Variants in ADGRV1 observed in about 807,000 individuals in gnomAD.
ADGRV1 encodes the protein G-protein coupled receptor 98.
ADGRV1 carries 359 observed loss-of-function variants against 596.2 expected under a neutral mutation model. The observed-to-expected ratio is 0.60, with a 90% CI of 0.55 to 0.66. The LOEUF (loss-of-function observed/expected upper bound fraction) is 0.66. Ranked by LOEUF, ADGRV1 falls within the 30% of genes least tolerant of loss-of-function variation. ADGRV1 has a pLI of 0.00. For synonymous variants in ADGRV1, 2,681 were observed against 2,679.2 expected, an observed-to-expected ratio of 1.00 and a Z score of -0.02; for missense variants, 7,274 against 7,575.6, an observed-to-expected ratio of 0.96 and a Z score of 1.48.
intron 74 of ADGRV1, among the ~76,000 whole-genome samples, chr5:90,811,882 C>T (rs1196781296): frequency 6.6e-6 from 1 of 151,218 alleles, no homozygotes; most frequent in African/African-American, 2.4e-5. Flanking sequence ...GTATCTTATG[C>T]AATCTTTTCA....
chr5:90,734,317 C>T (rs548747000), intron 50 of ADGRV1, among the ~76,000 whole-genome samples: 24 of 152,270 alleles, frequency 1.6e-4, no homozygotes, highest in African/African-American at 5.5e-4. Flanking sequence ...TCATTCTGTT[C>T]ATTGTTGGGG....
chr5:90,774,730 G>A (rs188926198), intron 60 of ADGRV1, among the ~76,000 whole-genome samples: 30 of 152,188 alleles, frequency 2.0e-4, no homozygotes, highest in Admixed American at 1.0e-3. Flanking sequence ...TAATTGTCAC[G>A]TTAAGAAAAC....
chr5:90,903,209 T>A (rs1359748219), intron 83 of ADGRV1, among the ~76,000 whole-genome samples: 1 of 152,102 alleles, frequency 6.6e-6, no homozygotes, highest in African/African-American at 2.4e-5. Context: ...TGCAGGATTA[T>A]GTGCTACAGT....
intron 1 of ADGRV1, chr5:90,614,300 C>G (rs1023199740): frequency 3.2e-5 from 10 of 316,548 alleles, no homozygotes; most frequent in African/African-American, 2.3e-4. Flanking sequence ...GGAAATTTAT[C>G]CCTTCTTTGA....
intron 67 of ADGRV1, among the ~76,000 whole-genome samples, chr5:90,785,314 C>T (rs1468832082): frequency 1.3e-5 from 2 of 152,096 alleles, no homozygotes; most frequent in Non-Finnish European, 2.9e-5. Flanking sequence ...AGGAGAAAAC[C>T]TAGGCAATAC....
chr5:91,017,012 C>T (rs530300583), intron 85 of ADGRV1, among the ~76,000 whole-genome samples: 2 of 151,784 alleles, frequency 1.3e-5, no homozygotes, highest in East Asian at 1.9e-4. Flanking sequence ...ATGGGAGAAC[C>T]GTTTATGAAA....
chr5:90,722,077 G>A (rs750894423), intron 45 of ADGRV1, among the ~76,000 whole-genome samples: 1 of 152,174 alleles, frequency 6.6e-6, no homozygotes, highest in Non-Finnish European at 1.5e-5. Context: ...GTTACCATAT[G>A]TAATGTGGTA....
At chr5:90,765,733 C>G (rs2150026848) in intron 59 of ADGRV1, among the ~76,000 whole-genome samples, 1 of 151,820 alleles carries the variant, frequency 6.6e-6, no homozygotes, top group Non-Finnish European at 1.5e-5. Flanking sequence ...GACAAGGGGT[C>G]TTATTCTGTC....
intron 84 of ADGRV1, 126 bp downstream of exon 84, chr5:90,965,657 G>A: frequency 3.8e-6 from 2 of 531,894 alleles, no homozygotes; most frequent in South Asian, 3.1e-5. Flanking sequence ...GCATTCTCAG[G>A]ATATAAATGA....
intron 30 of ADGRV1, 97 bp from the exon 31 acceptor site, chr5:90,690,699 TA>T (rs2062984160): frequency 8.2e-7 from 1 of 1,223,642 alleles, no homozygotes; most frequent in Non-Finnish European, 1.1e-6. Flanking sequence ...TTAGATTGCT[TA>T]GGGGGGAAGA....
At chr5:90,610,045 G>A (rs183975388) in intron 1 of ADGRV1, among the ~76,000 whole-genome samples, 2 of 151,578 alleles carry the variant, frequency 1.3e-5, no homozygotes, top group South Asian at 2.1e-4. Flanking sequence ...ATTCTACTCC[G>A]TTTCTATATA....
Position 91,073,461 on chromosome 5 carries a change from G to A in ADGRV1, c.18310+857G>A, listed in dbSNP as rs1456894926. The stretch of plus-strand genomic sequence containing the variant: ...AAGTTTAAGCAAGTAGCATATATAA[G>A]GTCTCTAGAATAGTGTCTAATACAT... On this transcript the variant is annotated intron_variant, in intron 86 of 89. Coordinates refer to ENST00000405460, the MANE Select transcript of ADGRV1 (RefSeq NM_032119.4). Among the ~76,000 whole-genome samples the A allele has an allele frequency of 2.0e-5, 3 of 152,166 alleles. No individual in the cohort carries two copies. The East Asian group carries it at 5.8e-4, about 29-fold the overall frequency.
chr5:90,765,161 G>A (rs367840307), intron 59 of ADGRV1, among the ~76,000 whole-genome samples: 2 of 152,016 alleles, frequency 1.3e-5, no homozygotes, highest in East Asian at 1.9e-4. Context: ...TCAGAACTGG[G>A]CCTTTCACCA....
At chr5:90,596,409 A>G (rs62375076) in intron 1 of ADGRV1, among the ~76,000 whole-genome samples, 2 of 151,612 alleles carry the variant, frequency 1.3e-5, no homozygotes, top group Non-Finnish European at 2.9e-5. Flanking sequence ...AGAGGCTGCA[A>G]TCTCGGCACT....
intron 53 of ADGRV1, among the ~76,000 whole-genome samples, chr5:90,750,978 G>C (rs1755187287): frequency 6.6e-6 from 1 of 152,174 alleles, no homozygotes; most frequent in Non-Finnish European, 1.5e-5. Context: ...TACATTGTTA[G>C]AAAGATAAAA....
rs1237481985 is a variant in ADGRV1 at position 90,658,043 on chromosome 5, A to T, written c.4517A>T (p.Asp1506Val). 4 of 1,613,990 alleles carry T rather than the reference A, an allele frequency of 2.5e-6. No individual in the cohort carries two copies. Among genetic ancestry groups the T allele is most frequent in the Non-Finnish European group, 3.4e-6 (4 of 1,179,864 alleles). Reference protein sequence around the residue: ...YELHAMPAKSDLHPISGYLEF... With the variant: ...YELHAMPAKSVLHPISGYLEF... ...CTTCATGCCATGCCCGCAAAAAGTG[A>T]TTTACACCCAATTTCTGGATATCTG... is the stretch of plus-strand genomic sequence containing the variant. The change falls in exon 21 of 90, where the codon GAT (aspartate) becomes GTT (valine). Residue 1506 changes from aspartate to valine, a missense_variant. Coordinates refer to ENST00000405460, the MANE Select transcript of ADGRV1 (RefSeq NM_032119.4).
Position 90,679,253 on chromosome 5 carries a change from C to T in ADGRV1, c.5444-296C>T, listed in dbSNP as rs7721331. ...ATCTAAGATATTAGAAAATAATTTA[C>T]GTTGGTGTAAAAAAATGAAAATTTA... On this transcript the variant is annotated intron_variant, in intron 25 of 89. Coordinates refer to ENST00000405460, the MANE Select transcript of ADGRV1 (RefSeq NM_032119.4). 0.035 allele frequency among the ~76,000 whole-genome samples: 5,218 copies of T among 150,770 alleles called. 173 individuals carry two copies. The highest frequency in any genetic ancestry group is 0.091 in the African/African-American group (3,753 of 41,308).
At position 90,635,288 on chromosome 5, in the gene ADGRV1, G is replaced by A; in HGVS notation, c.2014G>A (p.Val672Met). The change falls in exon 10 of 90, where the codon GTG becomes ATG. Residue 672 changes from valine to methionine, a missense_variant and splice_region_variant. By Grantham distance (21) the Val-to-Met change is conservative. Around this residue, in one of 5 missense-constraint regions of ADGRV1, gnomAD observed 1,715 missense variants for 1,708.8 expected, o/e 1.00. Coordinates refer to ENST00000405460, the MANE Select transcript of ADGRV1 (RefSeq NM_032119.4). ...LHEPEDFAAE[V>M]VYIPLHRDGT... Reference sequence around the variant, plus strand: ...TGAACCAGAAGATTTTGCTGCTGAAGTGGTAAGTAGGCTCTTTCTTACTGA... The same window carrying A: ...TGAACCAGAAGATTTTGCTGCTGAAATGGTAAGTAGGCTCTTTCTTACTGA... 6.2e-7 allele frequency: 1 copy of A among 1,608,062 alleles called. No individual in the cohort carries two copies. The highest frequency in any genetic ancestry group is 8.5e-7 in the Non-Finnish European group (1 of 1,177,246).
chr5:90,622,590 T>A lies in ADGRV1; in HGVS notation c.454-7T>A. On this transcript the variant is annotated splice_polypyrimidine_tract_variant and splice_region_variant and intron_variant, in intron 4 of 89. Coordinates refer to ENST00000405460, the MANE Select transcript of ADGRV1 (RefSeq NM_032119.4). Reference sequence around the variant, plus strand: ...TCCTGATCATCTGTGCTTGCTTTCCTCAATAGCTTCCCTCAATCGCAGTGA... The same window carrying A: ...TCCTGATCATCTGTGCTTGCTTTCCACAATAGCTTCCCTCAATCGCAGTGA... 1 of 1,398,580 alleles carries A rather than the reference T, an allele frequency of 7.2e-7. No individual in the cohort carries two copies. 86.6% of individuals were successfully genotyped at this position (1,398,580 alleles called of 1,614,324 possible).
Sources: gnomAD v4.1 joint callset for allele counts (sites outside exome capture counted in the v4.1 genomes callset) on GRCh38, gnomAD v4.1.1 for gene constraint, gnomAD v4.1.1 regional missense constraint, MANE v1.5 for transcripts, NCBI Gene and HGNC (gene_info 2026-07-23, HGNC 2026-07-21) for gene names.